The following MOB3B variants were observed in gnomAD, a reference collection of about 807,000 sequenced individuals.
MOB3B encodes the protein MOB kinase activator 3B, also known as MOB kinase activator-like 2B.
A neutral mutation model predicts 18.7 loss-of-function variants in MOB3B; 7 were observed. That is an observed-to-expected ratio of 0.37 (90% CI 0.21 to 0.70). The LOEUF (loss-of-function observed/expected upper bound fraction) is 0.70. Among genes scored for constraint, MOB3B ranks in the 30% least tolerant of loss-of-function variants. The probability of loss-of-function intolerance (pLI) is 0.52; values close to 1 mark genes in which losing one functional copy is unlikely to be tolerated. For synonymous variants in MOB3B, 111 were observed against 99.9 expected, an observed-to-expected ratio of 1.11 and a Z score of -0.66; for missense variants, 253 against 281.3, an observed-to-expected ratio of 0.90 and a Z score of 0.72.
chr9:27,407,031 G>C (rs746618059), intron 2 of MOB3B, among the ~76,000 whole-genome samples: 1 of 151,998 alleles, frequency 6.6e-6, no homozygotes, highest in Admixed American at 6.6e-5. Flanking sequence ...TAGCGACGGG[G>C]TTTCACCATG....
intron 2 of MOB3B, among the ~76,000 whole-genome samples, chr9:27,428,231 A>C (rs572383465): frequency 6.6e-6 from 1 of 152,174 alleles, no homozygotes; most frequent in African/African-American, 2.4e-5. Context: ...CTCATGATCT[A>C]GTATATCTGT....
chr9:27,428,298 A>C (rs2131419661), intron 2 of MOB3B, among the ~76,000 whole-genome samples: 1 of 152,290 alleles, frequency 6.6e-6, no homozygotes, highest in East Asian at 1.9e-4. Flanking sequence ...AAAATGCAGA[A>C]TTTGTTTCAG....
chr9:27,478,160 T>C (rs1294259632), intron 1 of MOB3B, among the ~76,000 whole-genome samples: 1 of 152,254 alleles, frequency 6.6e-6, no homozygotes, highest in Non-Finnish European at 1.5e-5. Flanking sequence ...TAGATCACTA[T>C]AAAAATGTTC....
chr9:27,329,872 G>A lies in MOB3B; in HGVS notation c.*715C>T, dbSNP rs1820762183. 6.6e-6 allele frequency: 1 copy of A among 152,628 alleles called. No homozygotes were observed. The allele number at this position is 152,628 out of a possible 1,614,324, so 9.5% of individuals were successfully genotyped here. ...CTGGTAACTTGTCAGCTTTACGCTA[G>A]TAACCAGTCTCTTCCCTGCAGTTAG... On this transcript the variant is annotated 3_prime_UTR_variant, in exon 4 of 4. Coordinates refer to ENST00000262244, the MANE Select transcript of MOB3B (RefSeq NM_024761.5).
At chr9:27,418,489 C>T (rs987126805) in intron 2 of MOB3B, among the ~76,000 whole-genome samples, 10 of 152,068 alleles carry the variant, frequency 6.6e-5, no homozygotes, top group South Asian at 2.1e-4. Context: ...TAATCCACCA[C>T]GATCAAGTGG....
intron 2 of MOB3B, among the ~76,000 whole-genome samples, chr9:27,392,180 A>G (rs1243384612): frequency 6.6e-6 from 1 of 152,130 alleles, no homozygotes; most frequent in African/African-American, 2.4e-5. Flanking sequence ...ATTTTAATAC[A>G]TTTTCTAGAG....
rs1010199395 is a variant in MOB3B at position 27,325,699 on chromosome 9, A to G, written c.*4888T>C. ...CAAAATGATCAGAACAAGAATGACA[A>G]CAGTGTCAACCAAATGATGCCTCCA... On this transcript the variant is annotated 3_prime_UTR_variant, in exon 4 of 4. Coordinates refer to ENST00000262244, the MANE Select transcript of MOB3B (RefSeq NM_024761.5). 2 of 152,254 alleles carry G rather than the reference A, an allele frequency of 1.3e-5. No individual in the cohort carries two copies. The highest frequency in any genetic ancestry group is 4.8e-5 in the African/African-American group (2 of 41,466). 9.4% of individuals were successfully genotyped at this position (152,254 alleles called of 1,614,324 possible).
chr9:27,385,145 C>T (rs1821635148), intron 2 of MOB3B, among the ~76,000 whole-genome samples: 1 of 152,186 alleles, frequency 6.6e-6, no homozygotes, highest in Non-Finnish European at 1.5e-5. Context: ...AAAGGAGGGT[C>T]TTTAGAAGTC....
At chr9:27,472,711 C>T (rs1056779082) in intron 1 of MOB3B, among the ~76,000 whole-genome samples, 8 of 147,166 alleles carry the variant, frequency 5.4e-5, no homozygotes, top group Non-Finnish European at 7.5e-5. Context: ...AAAAAGAGCT[C>T]CCTGAGTTTA....
intron 2 of MOB3B, among the ~76,000 whole-genome samples, chr9:27,426,398 G>A (rs1822331533): frequency 6.6e-6 from 1 of 152,172 alleles, no homozygotes; most frequent in African/African-American, 2.4e-5. Context: ...GCAGGGAGAG[G>A]TCTAGGGGAC....
chr9:27,468,429 G>A (rs1241456827), intron 1 of MOB3B, among the ~76,000 whole-genome samples: 2 of 152,144 alleles, frequency 1.3e-5, no homozygotes, highest in East Asian at 1.9e-4. Context: ...GCCCAGCCTC[G>A]ATTTCCTCAA....
At chr9:27,428,807 TA>T (rs1822376113) in intron 2 of MOB3B, among the ~76,000 whole-genome samples, 1 of 152,198 alleles carries the variant, frequency 6.6e-6, no homozygotes, top group African/African-American at 2.4e-5. Flanking sequence ...GGAACAATGG[TA>T]ACCCATGTAG....
At chr9:27,336,598 C>T (rs1034668375) in intron 3 of MOB3B, among the ~76,000 whole-genome samples, 3 of 152,020 alleles carry the variant, frequency 2.0e-5, no homozygotes, top group Non-Finnish European at 1.5e-5. Context: ...AAACAGCCAA[C>T]GGGTTAAAGC....
intron 2 of MOB3B, among the ~76,000 whole-genome samples, chr9:27,444,220 A>AGGAGGGAGGGAGGGAGGG (rs1563870149): frequency 2.3e-5 from 2 of 87,840 alleles, no homozygotes; most frequent in African/African-American, 9.7e-5. Context: ...AAAGAAAGAA[A>AGGAGGGAGGGAGGGAGGG]AAGAAAGGAG....
intron 2 of MOB3B, among the ~76,000 whole-genome samples, chr9:27,398,012 T>A (rs1466081932): frequency 6.6e-6 from 1 of 152,160 alleles, no homozygotes; most frequent in Non-Finnish European, 1.5e-5. Context: ...TTTACCCAAG[T>A]CTCCCGTCTT....
intron 1 of MOB3B, among the ~76,000 whole-genome samples, chr9:27,502,806 C>T (rs76323345): frequency 0.012 from 1,811 of 152,328 alleles, 38 homozygotes; most frequent in African/African-American, 0.041. Flanking sequence ...GGAGTATCTT[C>T]AGTCTTTCTA....
intron 3 of MOB3B, among the ~76,000 whole-genome samples, chr9:27,341,566 T>A (rs967121520): frequency 1.3e-5 from 2 of 152,180 alleles, no homozygotes; most frequent in African/African-American, 4.8e-5. Context: ...AACTAAAATT[T>A]TCCTTTTAAT....
At position 27,516,585 on chromosome 9, in the gene MOB3B, G is replaced by A. The variant is rs144240216; in HGVS notation, c.-199+12970C>T. 4.0e-3 allele frequency among the ~76,000 whole-genome samples: 612 copies of A among 152,226 alleles called. 11 individuals are homozygous for A. The highest frequency in any genetic ancestry group is 0.023 in the Admixed American group (354 of 15,286). ...TTCAAAATTCTGTGGAGTCATCTGGGCAAAGATGCAGAGACAAAACAAACA... is the reference window on the plus strand; with the variant it reads ...TTCAAAATTCTGTGGAGTCATCTGGACAAAGATGCAGAGACAAAACAAACA... On this transcript the variant is annotated intron_variant, in intron 1 of 3. Coordinates refer to ENST00000262244, the MANE Select transcript of MOB3B (RefSeq NM_024761.5).
At chr9:27,363,261 C>T (rs1207369905) in intron 2 of MOB3B, among the ~76,000 whole-genome samples, 2 of 151,934 alleles carry the variant, frequency 1.3e-5, no homozygotes, top group East Asian at 3.9e-4. Flanking sequence ...TCAGGTTTTT[C>T]GTTTTTTTGT....
Sources: allele counts gnomAD v4.1 joint callset (sites outside exome capture counted in the v4.1 genomes callset), GRCh38; gene constraint gnomAD v4.1.1; transcripts MANE v1.5; gene names NCBI Gene and HGNC (gene_info 2026-07-23, HGNC 2026-07-21).